LPA: variants seen among roughly 807,000 people sequenced by gnomAD.
The protein encoded by LPA is apolipoprotein(a).
A neutral mutation model predicts 197.9 loss-of-function variants in LPA; 199 were observed. That is an observed-to-expected ratio of 1.01 (90% CI 0.90 to 1.13). The LOEUF is 1.13. LPA is among the 50% of genes most tolerant of loss of function. The pLI, the probability that LPA is intolerant of heterozygous loss-of-function variation, is 0.00. For synonymous variants in LPA, 715 were observed against 639.5 expected (o/e 1.12, Z -1.78); for missense variants, 1,853 against 1,785.8 (o/e 1.04, Z -0.68).
chr6:160,602,735 A>C (rs1779268657), intron 18 of LPA, among the ~76,000 whole-genome samples: 1 of 152,238 alleles, frequency 6.6e-6, no homozygotes, highest in South Asian at 2.1e-4. Context: ...GCATTTATCC[A>C]ACATGGATGA....
At chr6:160,647,708 T>C (rs544143744) in intron 2 of LPA, among the ~76,000 whole-genome samples, 2 of 152,336 alleles carry the variant, frequency 1.3e-5, no homozygotes, top group Admixed American at 6.5e-5. Flanking sequence ...CTATCGTGCA[T>C]GAGGTAAGAA....
At chr6:160,544,012 G>A (rs1778024258) in intron 33 of LPA, among the ~76,000 whole-genome samples, 1 of 152,224 alleles carries the variant, frequency 6.6e-6, no homozygotes, top group Non-Finnish European at 1.5e-5. Context: ...TCCATTGGAA[G>A]AAATCTTGTT....
Position 160,590,927 on chromosome 6 carries a change from G to A in LPA, c.3787+17C>T. 6.2e-7 allele frequency: 1 copy of A among 1,613,864 alleles called. No individual in the cohort carries two copies. Among genetic ancestry groups the A allele is most frequent in the Non-Finnish European group, 8.5e-7 (1 of 1,179,828 alleles). On this transcript the variant is annotated intron_variant, in intron 23 of 38. Coordinates refer to ENST00000316300, the MANE Select transcript of LPA (RefSeq NM_005577.4). ...CCAACGTCCAAGGGTGTGGTTGTCT[G>A]GCCAGAGACTTCTTACCTTGTTCAG...
chr6:160,599,475 C>G (rs1562338676), intron 20 of LPA, 25 bp downstream of exon 20: 1 of 1,612,624 alleles, frequency 6.2e-7, no homozygotes, highest in Middle Eastern at 2.0e-4. Flanking sequence ...CCTTCCTTCG[C>G]TTATGGTAAA....
intron 37 of LPA, among the ~76,000 whole-genome samples, chr6:160,534,130 G>A (rs1217319170): frequency 1.3e-5 from 2 of 152,198 alleles, no homozygotes; most frequent in East Asian, 3.9e-4. Flanking sequence ...CATGAGCAGC[G>A]TGGAAGAGTC....
chr6:160,540,105 T>C lies in LPA; in HGVS notation c.5673A>G (p.Ile1891Met), dbSNP rs3798220. The C allele has an allele frequency of 0.027, 44,156 of 1,614,110 alleles. 2,565 individuals are homozygous for C. Among genetic ancestry groups the C allele is most frequent in the Admixed American group, 0.24 (14,576 of 60,006 alleles). Residue 1891 changes from isoleucine to methionine, a missense_variant, in exon 36 of 39, where the codon ATA becomes ATG. Physicochemically the swap from Ile to Met is conservative, Grantham distance 10. Around this residue, in one of 3 missense-constraint regions of LPA, gnomAD observed 1,737 missense variants for 1,504.4 expected, o/e 1.15. Transcript: ENST00000316300. ...EVNLESHVQE[I>M]EVSRLFLEPT... ...GCTCCAAGAACAGCCTAGACACTTCTATTTCCTGAACATGAGATTCGAGGT... is the reference window on the plus strand; with the variant it reads ...GCTCCAAGAACAGCCTAGACACTTCCATTTCCTGAACATGAGATTCGAGGT...
At chr6:160,564,393 T>C (rs920245568) in intron 28 of LPA, among the ~76,000 whole-genome samples, 4 of 152,050 alleles carry the variant, frequency 2.6e-5, no homozygotes, top group African/African-American at 9.7e-5. Flanking sequence ...ATATTCTACA[T>C]CTTTCTTTGG....
At chr6:160,574,059 G>C (rs926102665) in intron 28 of LPA, among the ~76,000 whole-genome samples, 1 of 152,042 alleles carries the variant, frequency 6.6e-6, no homozygotes, top group Non-Finnish European at 1.5e-5. Context: ...CTTTCCTTGG[G>C]CACGTCTTAC....
At chr6:160,569,494 A>C (rs1223384388) in intron 28 of LPA, among the ~76,000 whole-genome samples, 1 of 150,186 alleles carries the variant, frequency 6.7e-6, no homozygotes, top group Non-Finnish European at 1.5e-5. Flanking sequence ...AGATGGATTA[A>C]AGACTTAAAT....
intron 1 of LPA, among the ~76,000 whole-genome samples, chr6:160,656,709 A>G (rs946436947): frequency 6.6e-6 from 1 of 152,240 alleles, no homozygotes; most frequent in Admixed American, 6.5e-5. Context: ...TCAGTAGCCT[A>G]GTGGTGTCCT....
intron 28 of LPA, among the ~76,000 whole-genome samples, chr6:160,562,378 T>C (rs903039491): frequency 1.1e-4 from 16 of 152,228 alleles, no homozygotes; most frequent in African/African-American, 3.9e-4. Context: ...GTTTATTGAT[T>C]TGAATATGTT....
chr6:160,533,333 C>CA (rs1317397269), intron 37 of LPA, among the ~76,000 whole-genome samples: 26 of 152,222 alleles, frequency 1.7e-4, no homozygotes, highest in African/African-American at 6.0e-4. Flanking sequence ...TTTCCAGGCA[C>CA]AAGCTCATAA....
chr6:160,568,947 G>A (rs571300605), intron 28 of LPA, among the ~76,000 whole-genome samples: 2 of 152,214 alleles, frequency 1.3e-5, no homozygotes, highest in East Asian at 1.9e-4. Flanking sequence ...ACCTCTTCAA[G>A]GAGAACTACA....
intron 30 of LPA, among the ~76,000 whole-genome samples, chr6:160,555,430 C>G (rs1388605707): frequency 1.2e-5 from 1 of 84,268 alleles, no homozygotes; most frequent in African/African-American, 4.8e-5. Flanking sequence ...GCATGTTTCC[C>G]TAGAACATAT....
intron 33 of LPA, among the ~76,000 whole-genome samples, chr6:160,544,900 A>G (rs1156234860): frequency 6.6e-6 from 1 of 152,186 alleles, no homozygotes; most frequent in Non-Finnish European, 1.5e-5. Context: ...GCAGTCTCTA[A>G]GCAATGTCGC....
At chr6:160,556,942 C>G (rs1778274808) in intron 29 of LPA, among the ~76,000 whole-genome samples, 2 of 151,976 alleles carry the variant, frequency 1.3e-5, no homozygotes, top group African/African-American at 4.8e-5. Flanking sequence ...CCAAATAGCC[C>G]CAGGATTAGA....
chr6:160,574,738 G>T (rs966605808), intron 28 of LPA, among the ~76,000 whole-genome samples: 1 of 152,174 alleles, frequency 6.6e-6, no homozygotes, highest in Non-Finnish European at 1.5e-5. Flanking sequence ...TGCAGTTGGG[G>T]AACTCACAGT....
intron 32 of LPA, among the ~76,000 whole-genome samples, chr6:160,545,871 C>T (rs539314460): frequency 6.6e-6 from 1 of 152,164 alleles, no homozygotes; most frequent in South Asian, 2.1e-4. Context: ...AGCTTTGTCC[C>T]TGGGGCGCTG....
chr6:160,537,317 C>T (rs1322441514), intron 37 of LPA, among the ~76,000 whole-genome samples: 1 of 152,176 alleles, frequency 6.6e-6, no homozygotes, highest in African/African-American at 2.4e-5. Context: ...GAACTGTCTG[C>T]CTCTCCCCCA....
Sources: gnomAD v4.1 joint callset for allele counts (sites outside exome capture counted in the v4.1 genomes callset) on GRCh38, gnomAD v4.1.1 for gene constraint, gnomAD v4.1.1 regional missense constraint, MANE v1.5 for transcripts, NCBI Gene and HGNC (gene_info 2026-07-23, HGNC 2026-07-21) for gene names.